Variants in RMDN3 observed in about 807,000 individuals in gnomAD.
RMDN3 encodes regulator of microtubule dynamics 3.
In RMDN3, 41 loss-of-function variants were observed where a neutral mutation model predicts 61.8. The observed-to-expected ratio is 0.66, with a 90% CI of 0.52 to 0.86. The LOEUF (loss-of-function observed/expected upper bound fraction) is 0.86. Among genes scored for constraint, RMDN3 ranks in the 40% least tolerant of loss-of-function variants. RMDN3 has a pLI of 0.00. For synonymous variants in RMDN3, 247 were observed against 232.0 expected (o/e 1.06, Z -0.59); for missense variants, 557 against 585.3 (o/e 0.95, Z 0.50).
chr15:40,751,337 AG>A, intron 4 of RMDN3, 88 bp downstream of exon 4: 2 of 1,503,128 alleles, frequency 1.3e-6, no homozygotes, highest in Non-Finnish European at 9.1e-7. Flanking sequence ...AATCATTTGC[AG>A]CAGCTTGGTT....
At chr15:40,748,856 T>C (rs1056839512) in intron 4 of RMDN3, among the ~76,000 whole-genome samples, 3 of 150,496 alleles carry the variant, frequency 2.0e-5, no homozygotes, top group Non-Finnish European at 2.9e-5. Flanking sequence ...CACCTCAGCC[T>C]CCCAAAGTGC....
At chr15:40,750,999 C>T (rs1897796919) in intron 4 of RMDN3, among the ~76,000 whole-genome samples, 1 of 152,236 alleles carries the variant, frequency 6.6e-6, no homozygotes, top group South Asian at 2.1e-4. Context: ...AGGACATCCA[C>T]CTCCCACCTG....
intron 4 of RMDN3, 81 bp from the exon 5 acceptor site, chr15:40,745,340 A>G: frequency 1.4e-6 from 2 of 1,383,744 alleles, no homozygotes; most frequent in Non-Finnish European, 2.0e-6. Context: ...ACCCCCAAAG[A>G]AGCACTCTAC....
intron 6 of RMDN3, among the ~76,000 whole-genome samples, chr15:40,743,680 C>CTGCCCCACCAGCTCAGAAAACTGAA (rs1897370765): frequency 6.6e-6 from 1 of 152,196 alleles, no homozygotes; most frequent in Non-Finnish European, 1.5e-5. Context: ...CTTAGAACAC[C>CTGCCCCACCAGCTCAGAAAACTGAA]TGCCCCACCA....
chr15:40,740,068 A>C, intron 7 of RMDN3, 65 bp downstream of exon 7: 1 of 1,096,114 alleles, frequency 9.1e-7, no homozygotes, highest in East Asian at 2.4e-5. Flanking sequence ...GGCAGAGAAA[A>C]GAAAGGGCTG....
rs753811073 is a variant in RMDN3, at chr15:40,751,480, A to T, written c.470T>A (p.Val157Asp). 2 of 1,614,186 alleles carry T rather than the reference A, an allele frequency of 1.2e-6. No homozygotes were observed. Among genetic ancestry groups the T allele is most frequent in the Admixed American group, 3.3e-5 (2 of 60,012 alleles). Reference protein sequence around the residue: ...ERSDSTGSSSVYFTASSGATF... With the variant: ...ERSDSTGSSSDYFTASSGATF... ...GGCTCCCGAGGAGGCCGTGAAGTAG[A>T]CAGAGCTGGAGCCAGTGGAGTCACT... is the stretch of plus-strand genomic sequence containing the variant. Residue 157 changes from valine to aspartate, a missense_variant, in exon 4 of 13, where the codon GTC (valine) becomes GAC (aspartate). By Grantham distance (152) the Val-to-Asp change is radical. Transcript: ENST00000338376.
intron 4 of RMDN3, among the ~76,000 whole-genome samples, chr15:40,745,480 T>C (rs1897498236): frequency 6.6e-6 from 1 of 150,850 alleles, no homozygotes; most frequent in Non-Finnish European, 1.5e-5. Flanking sequence ...TGGTTCGATC[T>C]TGGCTCACTC....
intron 1 of RMDN3, 91 bp from the exon 2 acceptor site, chr15:40,754,881 C>A: frequency 8.8e-7 from 1 of 1,139,526 alleles, no homozygotes; most frequent in Non-Finnish European, 1.2e-6. Flanking sequence ...GTAAACCCAC[C>A]CTCAAGGCTG....
chr15:40,748,166 A>T (rs1393487871), intron 4 of RMDN3, among the ~76,000 whole-genome samples: 1 of 152,224 alleles, frequency 6.6e-6, no homozygotes, highest in Admixed American at 6.5e-5. Flanking sequence ...GAAGGAAGGA[A>T]TACAGCTTTC....
At chr15:40,751,298 GTATT>G (rs1897809103) in intron 4 of RMDN3, 124 bp downstream of exon 4, 2 of 1,165,886 alleles carry the variant, frequency 1.7e-6, no homozygotes, top group South Asian at 1.5e-5. Context: ...CAACTCTTCT[GTATT>G]TATTATACTC....
chr15:40,747,457 C>A (rs1328365082), intron 4 of RMDN3, among the ~76,000 whole-genome samples: 1 of 152,182 alleles, frequency 6.6e-6, no homozygotes, highest in Non-Finnish European at 1.5e-5. Flanking sequence ...CTTTAAGGAA[C>A]CCTCAACAAT....
intron 6 of RMDN3, 37 bp downstream of exon 6, chr15:40,744,010 G>T: frequency 6.4e-7 from 1 of 1,563,326 alleles, no homozygotes; most frequent in South Asian, 1.2e-5. Flanking sequence ...CCCTGAATCA[G>T]TCAGTCACCT....
intron 2 of RMDN3, among the ~76,000 whole-genome samples, chr15:40,753,032 A>G (rs767061301): frequency 6.6e-6 from 1 of 152,182 alleles, no homozygotes; most frequent in Non-Finnish European, 1.5e-5. Context: ...AAGAAACACT[A>G]CTGCGAAGCA....
In RMDN3 at chr15:40,755,144, C is replaced by G. The variant is rs1198960318; in HGVS notation, c.-69G>C. On this transcript the variant is annotated 5_prime_UTR_variant, in exon 1 of 13. Transcript: ENST00000338376. ...CCCTGGCTGCAAACTCCTGGCCTTC[C>G]GCCGCGGCCCCCGAAGGCGCTCTGG... 2 of 186,544 alleles carry G rather than the reference C, an allele frequency of 1.1e-5. No homozygotes were observed. The highest frequency in any genetic ancestry group is 1.4e-4 in the East Asian group (1 of 7,298). The allele number at this position is 186,544 out of a possible 1,614,324, so 11.6% of individuals were successfully genotyped here. A position where few individuals can be genotyped will look rare whatever the true frequency, so the allele number is the denominator to read the frequency against.
intron 4 of RMDN3, 80 bp downstream of exon 4, chr15:40,751,346 G>T: frequency 6.5e-7 from 1 of 1,536,984 alleles, no homozygotes; most frequent in Non-Finnish European, 8.9e-7. Context: ...CAGCAGCTTG[G>T]TTTGAATTTT....
At position 40,754,687 on chromosome 15, in the gene RMDN3, G is replaced by A. The variant is rs1897967765; in HGVS notation, c.97C>T (p.Gln33Ter). The A allele has an allele frequency of 6.2e-7, 1 of 1,614,114 alleles. No homozygotes were observed. The highest frequency in any genetic ancestry group is 8.5e-7 in the Non-Finnish European group (1 of 1,180,016). Residue 33 changes from glutamine (Q) to a stop codon, truncating the protein, a stop_gained, in exon 2 of 13, where the codon CAG (glutamine) becomes TAG (stop). Transcript: ENST00000338376. LOFTEE classifies it high-confidence loss of function. ...GLGFLCLLYS[Q>*]RWKRTQRHGR... Reference sequence around the variant, plus strand: ...TGACGCTGGGTCCGTTTCCATCGCTGGCTGTAAAGGAGGCACAGGAATCCA... The same window carrying A: ...TGACGCTGGGTCCGTTTCCATCGCTAGCTGTAAAGGAGGCACAGGAATCCA...
chr15:40,737,540 A>C lies in RMDN3; in HGVS notation c.1224+88T>G, dbSNP rs1897104749. 2.3e-6 allele frequency: 3 copies of C among 1,300,442 alleles called. No homozygotes were observed. The East Asian group carries it at 6.9e-5, about 30-fold the overall frequency. The allele number at this position is 1,300,442 out of a possible 1,614,324, so 80.6% of individuals were successfully genotyped here. On this transcript the variant is annotated intron_variant, in intron 10 of 12. Transcript: ENST00000338376. ...ACACAAAATTGCCCCCGACTAGGAA[A>C]ACCCCTCCCATTAAGGGTCTCAATA...
At position 40,751,461 on chromosome 15, in the gene RMDN3, C is replaced by T. The variant is rs773702561; in HGVS notation, c.489G>A (p.Ser163=). The T allele has an allele frequency of 2.7e-5, 44 of 1,614,110 alleles. No homozygotes were observed. The highest frequency in any genetic ancestry group is 3.3e-4 in the Middle Eastern group (2 of 6,084). The stretch of plus-strand genomic sequence containing the variant: ...TCTCAGCATCTGTGAACGTGGCTCC[C>T]GAGGAGGCCGTGAAGTAGACAGAGC... ...GSSSVYFTAS[S]GATFTDAESE... Residue 163 remains serine, a synonymous_variant, in exon 4 of 13, where the codon TCG becomes TCA. Coordinates refer to ENST00000338376, the MANE Select transcript of RMDN3 (RefSeq NM_018145.3).
chr15:40,742,848 G>A (rs753456684), intron 6 of RMDN3, among the ~76,000 whole-genome samples: 100 of 152,198 alleles, frequency 6.6e-4, no homozygotes, highest in Admixed American at 3.1e-3. Context: ...CCAAAAATCA[G>A]CCCAAAAGCT....
Sources: allele counts gnomAD v4.1 joint callset (sites outside exome capture counted in the v4.1 genomes callset), GRCh38; gene constraint gnomAD v4.1.1; transcripts MANE v1.5; gene names NCBI Gene and HGNC (gene_info 2026-07-23, HGNC 2026-07-21).